The following GLRA1 variants were observed in gnomAD, a reference collection of about 807,000 sequenced individuals.
The protein encoded by GLRA1 is glycine receptor alpha 1.
In GLRA1, 37 loss-of-function variants were observed where a neutral mutation model predicts 48.3. The ratio of observed to expected loss-of-function variants is 0.77; its 90% CI spans 0.59 to 1.01. The LOEUF (loss-of-function observed/expected upper bound fraction) is 1.01, where lower values mean the gene tolerates loss of function less well. Among genes scored for constraint, GLRA1 ranks in the 50% least tolerant of loss-of-function variants. GLRA1 has a pLI of 0.00. For synonymous variants in GLRA1, 196 were observed against 210.7 expected (o/e 0.93, Z 0.60); for missense variants, 427 against 571.0 (o/e 0.75, Z 2.57).
At chr5:151,826,362 C>T (rs909070035) in intron 8 of GLRA1, among the ~76,000 whole-genome samples, 10 of 152,176 alleles carry the variant, frequency 6.6e-5, no homozygotes, top group Admixed American at 4.6e-4. Flanking sequence ...TTTTGACCTT[C>T]GCCATGGGAT....
At chr5:151,901,497 G>A (rs1205776396) in intron 1 of GLRA1, among the ~76,000 whole-genome samples, 1 of 152,188 alleles carries the variant, frequency 6.6e-6, no homozygotes, top group East Asian at 1.9e-4. Flanking sequence ...TACATAATCA[G>A]CATGCATCCC....
intron 3 of GLRA1, among the ~76,000 whole-genome samples, chr5:151,877,577 T>C (rs1288424201): frequency 1.3e-5 from 2 of 152,190 alleles, no homozygotes; most frequent in African/African-American, 4.8e-5. Context: ...TGTTTGGGTA[T>C]TGGTGTCCCC....
At chr5:151,863,624 C>T (rs374977161) in intron 3 of GLRA1, among the ~76,000 whole-genome samples, 3 of 152,126 alleles carry the variant, frequency 2.0e-5, no homozygotes, top group South Asian at 2.1e-4. Context: ...TCAAGTCCAA[C>T]TTTAAATGCT....
In GLRA1 at chr5:151,851,429, CATGGTGAGCACAGTGGTG is replaced by C. The variant is rs1188392402; in HGVS notation, c.855_872del (p.Ile285_Thr290del). On this transcript the variant is annotated inframe_deletion, in exon 7 of 9. Transcript: ENST00000274576. ...CTCGAGAGCCGGAGCTCTGGGTGGT[CATGGTGAGCACAGTGGTG>C]ATGCCTAGGCCCACACGAGCAGGTG... The C allele has an allele frequency of 6.2e-7, 1 of 1,613,814 alleles. No individual in the cohort carries two copies. The highest frequency in any genetic ancestry group is 1.3e-5 in the African/African-American group (1 of 74,918).
At chr5:151,848,358 G>A (rs1342352449) in intron 7 of GLRA1, among the ~76,000 whole-genome samples, 1 of 152,144 alleles carries the variant, frequency 6.6e-6, no homozygotes, top group Non-Finnish European at 1.5e-5. Context: ...TCTTAGAGCA[G>A]ACTCTGTTTT....
At chr5:151,861,503 C>G (rs1033838157) in intron 3 of GLRA1, among the ~76,000 whole-genome samples, 1 of 152,122 alleles carries the variant, frequency 6.6e-6, no homozygotes, top group East Asian at 1.9e-4. Flanking sequence ...TTTCATGTGT[C>G]TGTTGGCTGC....
chr5:151,868,906 C>G (rs1400555611), intron 3 of GLRA1, among the ~76,000 whole-genome samples: 2 of 152,138 alleles, frequency 1.3e-5, no homozygotes, highest in Non-Finnish European at 2.9e-5. Flanking sequence ...ACCATGCTGC[C>G]TGGTGCATTC....
chr5:151,849,896 A>C (rs958320062), intron 7 of GLRA1: 3 of 1,514,188 alleles, frequency 2.0e-6, no homozygotes, highest in Non-Finnish European at 2.7e-6. Flanking sequence ...TGAAGGCTCC[A>C]ACAGTGACAT....
At chr5:151,864,820 A>G (rs1753290524) in intron 3 of GLRA1, among the ~76,000 whole-genome samples, 2 of 152,086 alleles carry the variant, frequency 1.3e-5, no homozygotes, top group Non-Finnish European at 2.9e-5. Flanking sequence ...GCACCATCTC[A>G]CCTAGTCACT....
At chr5:151,866,695 G>C (rs1028132146) in intron 3 of GLRA1, among the ~76,000 whole-genome samples, 2 of 151,984 alleles carry the variant, frequency 1.3e-5, no homozygotes, top group East Asian at 3.9e-4. Flanking sequence ...TACAGTTGAC[G>C]GTGGAGGCAC....
chr5:151,924,346 A>G lies in GLRA1; in HGVS notation c.56+148T>C, dbSNP rs1387960421. On this transcript the variant is annotated intron_variant, in intron 1 of 8. Transcript: ENST00000274576. ...TGGGTGGCGGGGGGTGGGAGGGGGG[A>G]GAAGGGAGACGGGGGATGGAAGGAC... 708 of 661,500 alleles carry G rather than the reference A, an allele frequency of 1.1e-3. 2 individuals are homozygous for G. Among genetic ancestry groups the G allele is most frequent in the Non-Finnish European group, 1.7e-3 (609 of 360,750 alleles). 41.0% of individuals were successfully genotyped at this position (661,500 alleles called of 1,614,324 possible). A position where few individuals can be genotyped will look rare whatever the true frequency, so the allele number is the denominator to read the frequency against.
chr5:151,835,404 T>G (rs1470455650), intron 7 of GLRA1, among the ~76,000 whole-genome samples: 2 of 152,126 alleles, frequency 1.3e-5, no homozygotes, highest in African/African-American at 4.8e-5. Context: ...AAAGAGGGAC[T>G]CCTCCCTAAC....
chr5:151,830,960 C>T (rs1763406007), intron 7 of GLRA1, among the ~76,000 whole-genome samples: 1 of 152,212 alleles, frequency 6.6e-6, no homozygotes, highest in African/African-American at 2.4e-5. Flanking sequence ...GCTCATCTCA[C>T]TGGGACTGGT....
chr5:151,834,752 G>A (rs1188745059), intron 7 of GLRA1, among the ~76,000 whole-genome samples: 6 of 152,072 alleles, frequency 3.9e-5, no homozygotes, highest in East Asian at 1.9e-4. Context: ...AAGAGGCTGG[G>A]CGTGGTGGCT....
At chr5:151,850,699 C>A in intron 7 of GLRA1, 1 of 1,178,880 alleles carries the variant, frequency 8.5e-7, no homozygotes, top group Non-Finnish European at 1.3e-6. Flanking sequence ...ACTGTTGCCC[C>A]TCTGCCACTG....
intron 4 of GLRA1, among the ~76,000 whole-genome samples, chr5:151,858,343 G>A (rs957542954): frequency 3.9e-5 from 6 of 152,196 alleles, no homozygotes; most frequent in Non-Finnish European, 7.3e-5. Flanking sequence ...GCTCCAAAGT[G>A]GGGCAGCTGT....
At chr5:151,884,860 A>G (rs1753855672) in intron 3 of GLRA1, among the ~76,000 whole-genome samples, 1 of 152,218 alleles carries the variant, frequency 6.6e-6, no homozygotes, top group Non-Finnish European at 1.5e-5. Flanking sequence ...ACAAATGTCA[A>G]TATGCTTCTG....
intron 3 of GLRA1, among the ~76,000 whole-genome samples, chr5:151,878,656 C>G (rs1753686336): frequency 6.6e-6 from 1 of 152,136 alleles, no homozygotes; most frequent in Non-Finnish European, 1.5e-5. Context: ...CCCAGCCACT[C>G]CAGCCATGAC....
At chr5:151,860,757 A>G (rs577427447) in intron 3 of GLRA1, among the ~76,000 whole-genome samples, 1 of 152,260 alleles carries the variant, frequency 6.6e-6, no homozygotes, top group South Asian at 2.1e-4. Flanking sequence ...TTTAAGTTCT[A>G]GGGTACATGT....
Sources: allele counts gnomAD v4.1 joint callset (sites outside exome capture counted in the v4.1 genomes callset), GRCh38; gene constraint gnomAD v4.1.1; transcripts MANE v1.5; gene names NCBI Gene and HGNC (gene_info 2026-07-23, HGNC 2026-07-21).